Variants in GRIN2B observed in about 807,000 individuals in gnomAD.
GRIN2B encodes the protein glutamate receptor ionotropic, NMDA 2B.
A neutral mutation model predicts 114.5 loss-of-function variants in GRIN2B; 5 were observed. The ratio of observed to expected loss-of-function variants is 0.04; its 90% CI spans 0.02 to 0.09. The LOEUF (loss-of-function observed/expected upper bound fraction) is 0.09, where lower values mean the gene tolerates loss of function less well. GRIN2B is among the 10% of genes least tolerant of loss of function. The pLI, the probability that GRIN2B is intolerant of heterozygous loss-of-function variation, is 1.00. For synonymous variants in GRIN2B, 787 were observed against 745.1 expected, an observed-to-expected ratio of 1.06 and a Z score of -0.92; for missense variants, 1,108 against 1,943.5, an observed-to-expected ratio of 0.57 and a Z score of 8.08.
chr12:13,627,061 G>C (rs1273818091), intron 5 of GRIN2B, among the ~76,000 whole-genome samples: 1 of 152,012 alleles, frequency 6.6e-6, no homozygotes, highest in Non-Finnish European at 1.5e-5. Flanking sequence ...AGTGGCATAA[G>C]CTATAATATG....
At chr12:13,953,057 T>G (rs1867520092) in intron 2 of GRIN2B, among the ~76,000 whole-genome samples, 1 of 151,848 alleles carries the variant, frequency 6.6e-6, no homozygotes, top group Non-Finnish European at 1.5e-5. Context: ...GGGAAGTGAC[T>G]CCAGGGATGC....
At chr12:13,622,116 GA>G (rs1333976952) in intron 5 of GRIN2B, among the ~76,000 whole-genome samples, 2 of 152,194 alleles carry the variant, frequency 1.3e-5, no homozygotes, top group Non-Finnish European at 2.9e-5. Flanking sequence ...TGTCTGCATA[GA>G]AAGTCATTTT....
At chr12:13,587,037 CTTCA>C (rs1203267282) in intron 10 of GRIN2B, among the ~76,000 whole-genome samples, 2 of 152,120 alleles carry the variant, frequency 1.3e-5, no homozygotes, top group Admixed American at 6.5e-5. Flanking sequence ...AAATTCTTGC[CTTCA>C]TTGAGTTTAC....
chr12:13,720,503 A>G (rs545769791), intron 4 of GRIN2B, among the ~76,000 whole-genome samples: 33 of 152,208 alleles, frequency 2.2e-4, no homozygotes, highest in African/African-American at 6.7e-4. Context: ...TAAGTTTCAA[A>G]AAGCAAAGTC....
intron 2 of GRIN2B, among the ~76,000 whole-genome samples, chr12:13,936,774 T>C (rs1244933687): frequency 6.6e-6 from 1 of 151,878 alleles, no homozygotes; most frequent in Non-Finnish European, 1.5e-5. Context: ...GAAAATATGC[T>C]CAAATAATTA....
chr12:13,681,304 G>A (rs1488927919), intron 4 of GRIN2B, among the ~76,000 whole-genome samples: 2 of 152,122 alleles, frequency 1.3e-5, no homozygotes, highest in African/African-American at 4.8e-5. Context: ...GCCCAGCAGG[G>A]CTTTTGTGAT....
Position 13,974,974 on chromosome 12 carries a change from G to C in GRIN2B, c.-19+4954C>G, listed in dbSNP as rs148577441. Among the ~76,000 whole-genome samples the C allele has an allele frequency of 1.7e-4, 26 of 152,332 alleles. No homozygotes were observed. In the East Asian group the frequency reaches 5.0e-3, roughly 29 times the overall value. Reference sequence around the variant, plus strand: ...GAAAGAGAGGAATCAGTTATGAGAAGCATCAGAATAAGAGAGCACAGAATG... The same window carrying C: ...GAAAGAGAGGAATCAGTTATGAGAACCATCAGAATAAGAGAGCACAGAATG... On this transcript the variant is annotated intron_variant, in intron 2 of 13. Coordinates refer to ENST00000609686, the MANE Select transcript of GRIN2B (RefSeq NM_000834.5).
intron 3 of GRIN2B, among the ~76,000 whole-genome samples, chr12:13,757,512 T>C (rs781170848): frequency 1.7e-4 from 26 of 152,212 alleles, no homozygotes; most frequent in Non-Finnish European, 3.4e-4. Flanking sequence ...AGGACAGAGA[T>C]ATAATTCTGT....
chr12:13,716,438 AG>A (rs1365207291), intron 4 of GRIN2B, among the ~76,000 whole-genome samples: 3 of 151,892 alleles, frequency 2.0e-5, no homozygotes, highest in Non-Finnish European at 4.4e-5. Context: ...AAGGGTGTGG[AG>A]CTATCTCACA....
intron 3 of GRIN2B, among the ~76,000 whole-genome samples, chr12:13,838,918 C>G (rs1490311775): frequency 1.3e-5 from 2 of 152,214 alleles, no homozygotes; most frequent in Non-Finnish European, 2.9e-5. Context: ...CATTCACATA[C>G]TCATGTTCAC....
intron 3 of GRIN2B, among the ~76,000 whole-genome samples, chr12:13,786,635 G>T (rs558140792): frequency 2.6e-4 from 40 of 151,874 alleles, no homozygotes; most frequent in African/African-American, 7.5e-4. Flanking sequence ...GGTGAACCAG[G>T]AATATACCAG....
At chr12:13,876,012 A>G (rs1865986257) in intron 2 of GRIN2B, among the ~76,000 whole-genome samples, 1 of 152,240 alleles carries the variant, frequency 6.6e-6, no homozygotes, top group Admixed American at 6.5e-5. Flanking sequence ...GAGCATGCCC[A>G]GTGCTACCTA....
At chr12:13,734,785 C>T (rs567913636) in intron 4 of GRIN2B, among the ~76,000 whole-genome samples, 4 of 152,264 alleles carry the variant, frequency 2.6e-5, no homozygotes, top group Admixed American at 2.0e-4. Flanking sequence ...CTGGAATCGT[C>T]AGAGAAGGCT....
At chr12:13,925,797 T>C (rs769194236) in intron 2 of GRIN2B, among the ~76,000 whole-genome samples, 102 of 152,316 alleles carry the variant, frequency 6.7e-4, no homozygotes, top group Non-Finnish European at 1.1e-3. Flanking sequence ...TCAGCACTAA[T>C]GACCTGTTGA....
chr12:13,685,539 C>T (rs1278189971), intron 4 of GRIN2B, among the ~76,000 whole-genome samples: 1 of 152,100 alleles, frequency 6.6e-6, no homozygotes, highest in African/African-American at 2.4e-5. Context: ...CTTCCAGGGT[C>T]AAGGGGACAT....
intron 10 of GRIN2B, among the ~76,000 whole-genome samples, chr12:13,585,273 G>A (rs559924594): frequency 1.4e-4 from 21 of 152,256 alleles, no homozygotes; most frequent in Middle Eastern, 3.4e-3. Flanking sequence ...AAAGACCTCC[G>A]CCAGGCGGAG....
rs993536315 is a variant in GRIN2B at position 13,551,966 on chromosome 12, T to C, written c.*10817A>G. On this transcript the variant is annotated 3_prime_UTR_variant, in exon 14 of 14. Coordinates refer to ENST00000609686, the MANE Select transcript of GRIN2B (RefSeq NM_000834.5). ...TTTTAGGCAGGCATGTTTTGTTTCA[T>C]TTCGAAAAAAAAACAATCCCCTCTG... 1 of 151,978 alleles carries C rather than the reference T, an allele frequency of 6.6e-6. No individual in the cohort carries two copies. Among genetic ancestry groups the C allele is most frequent in the African/African-American group, 2.4e-5 (1 of 41,378 alleles). 9.4% of individuals were successfully genotyped at this position (151,978 alleles called of 1,614,324 possible).
chr12:13,658,802 A>G (rs965278339), intron 5 of GRIN2B, among the ~76,000 whole-genome samples: 18 of 146,056 alleles, frequency 1.2e-4, no homozygotes, highest in Admixed American at 1.2e-3. Context: ...TTTCTTCCCA[A>G]TGATGCATGA....
intron 10 of GRIN2B, among the ~76,000 whole-genome samples, chr12:13,582,521 G>C (rs1806217): frequency 0.032 from 4,838 of 152,216 alleles, 112 homozygotes; most frequent in Non-Finnish European, 0.051. Flanking sequence ...ATTAACATTA[G>C]TGCTATAATT....
Sources: gnomAD v4.1 joint callset for allele counts (sites outside exome capture counted in the v4.1 genomes callset) on GRCh38, gnomAD v4.1.1 for gene constraint, MANE v1.5 for transcripts, NCBI Gene and HGNC (gene_info 2026-07-23, HGNC 2026-07-21) for gene names.